Variants in MUC13 observed in about 807,000 individuals in gnomAD.
MUC13 encodes mucin-13.
Under a neutral mutation model 48.3 loss-of-function variants are expected in MUC13, and 32 were observed. The ratio of observed to expected loss-of-function variants is 0.66; its 90% confidence interval spans 0.50 to 0.89. The LOEUF (loss-of-function observed/expected upper bound fraction) is 0.89, where lower values mean the gene tolerates loss of function less well. Among genes scored for constraint, MUC13 ranks in the 40% least tolerant of loss-of-function variants. MUC13 has a pLI of 0.00. For synonymous variants in MUC13, 199 were observed against 224.9 expected (o/e 0.88, Z 1.03); for missense variants, 571 against 622.8 (o/e 0.92, Z 0.88).
chr3:124,919,927 C>T (rs755127830), intron 5 of MUC13, among the ~76,000 whole-genome samples: 1 of 152,184 alleles, frequency 6.6e-6, no homozygotes, highest in Non-Finnish European at 1.5e-5. Context: ...ATATGGTTTG[C>T]AGCCATGGGA....
intron 8 of MUC13, 135 bp downstream of exon 8, chr3:124,912,976 G>A (rs1579362807): frequency 4.2e-6 from 2 of 475,714 alleles, no homozygotes; most frequent in Non-Finnish European, 7.2e-6. Context: ...TGATGACAAT[G>A]ATGAGGATGC....
chr3:124,925,903 C>T (rs113249653), intron 2 of MUC13, among the ~76,000 whole-genome samples: 2 of 152,108 alleles, frequency 1.3e-5, no homozygotes, highest in South Asian at 4.1e-4. Flanking sequence ...GCGTGAGCCA[C>T]CATGCTCGGC....
intron 1 of MUC13, among the ~76,000 whole-genome samples, chr3:124,928,887 C>T (rs1470508961): frequency 1.3e-5 from 2 of 152,004 alleles, no homozygotes; most frequent in Non-Finnish European, 2.9e-5. Context: ...TTTTCATTAC[C>T]TTGATAGATT....
intron 9 of MUC13, among the ~76,000 whole-genome samples, chr3:124,911,620 T>C (rs115815338): frequency 0.011 from 1,474 of 139,966 alleles, 15 homozygotes; most frequent in Middle Eastern, 0.042. Context: ...CTGGTGGGGG[T>C]GGGGCATGGG....
At chr3:124,922,055 C>T (rs542930521) in intron 4 of MUC13, 142 bp downstream of exon 4, 14 of 956,894 alleles carry the variant, frequency 1.5e-5, no homozygotes, top group Admixed American at 9.4e-5. Flanking sequence ...TGCTGTTTAC[C>T]GACCAGTAAA....
chr3:124,929,626 C>G (rs1215822887), intron 1 of MUC13, among the ~76,000 whole-genome samples: 1 of 152,130 alleles, frequency 6.6e-6, no homozygotes, highest in South Asian at 2.1e-4. Context: ...CAGCAACTGG[C>G]AATGTTGACT....
chr3:124,934,560 C>T (rs1935851302), intron 1 of MUC13, 101 bp downstream of exon 1: 13 of 785,712 alleles, frequency 1.7e-5, no homozygotes, highest in Non-Finnish European at 2.0e-5. Flanking sequence ...TAAAATAGAC[C>T]ATGTGCTGGG....
chr3:124,911,545 TTAGTTCATTATGTAAATTTTAGAATATAA>T (rs1315277593), intron 9 of MUC13, among the ~76,000 whole-genome samples: 1 of 152,152 alleles, frequency 6.6e-6, no homozygotes, highest in African/African-American at 2.4e-5. Context: ...AGACTGATCT[TTAGTTCATTATGTAAATTTTAGAATATAA>T]AATAATTGAA....
rs200023886 is a variant in MUC13 at position 124,913,642 on chromosome 3, G to A, written c.1004C>T (p.Ala335Val). 7.4e-6 allele frequency: 12 copies of A among 1,614,024 alleles called. No homozygotes were observed. The highest frequency in any genetic ancestry group is 2.2e-5 in the East Asian group (1 of 44,902). The change falls in exon 7 of 12, where the codon GCG (alanine) becomes GTG (valine). Residue 335 changes from alanine (A) to valine (V), a missense_variant. Transcript: ENST00000616727. ...TGCTAAACCATTGAGGCAGTCATCC[G>A]CAGTCTGGTTACAGCCATAATAATC... ...RCDYYGCNQT[A>V]DDCLNGLACD...
At chr3:124,919,211 C>G (rs13090332) in intron 5 of MUC13, among the ~76,000 whole-genome samples, 16,576 of 151,698 alleles carry the variant, frequency 0.11, 1,139 homozygotes, top group South Asian at 0.18. Flanking sequence ...GTGGTGCACA[C>G]CCATAATCCC....
intron 1 of MUC13, among the ~76,000 whole-genome samples, chr3:124,931,976 C>A (rs184153282): frequency 6.6e-5 from 10 of 151,902 alleles, no homozygotes; most frequent in African/African-American, 2.2e-4. Context: ...ACCTGGCAGG[C>A]GGAGGTTGCA....
At chr3:124,929,504 G>A (rs1183744019) in intron 1 of MUC13, among the ~76,000 whole-genome samples, 1 of 152,206 alleles carries the variant, frequency 6.6e-6, no homozygotes, top group Non-Finnish European at 1.5e-5. Context: ...ATGGGTCTAT[G>A]AGCCCCTTGA....
rs1935302084 is a variant in MUC13 at position 124,905,573 on chromosome 3, T to G, written c.*1170A>C. 1 of 153,074 alleles carries G rather than the reference T, an allele frequency of 6.5e-6. No homozygotes were observed. The highest frequency in any genetic ancestry group is 2.4e-5 in the African/African-American group (1 of 41,416). The allele number at this position is 153,074 out of a possible 1,614,324, so 9.5% of individuals were successfully genotyped here. On this transcript the variant is annotated 3_prime_UTR_variant, in exon 12 of 12. Transcript: ENST00000616727. ...TAAAAAAGGACACTAATAACATTTGTAAAAGCTTGTACTGGATGTGGTTGC... is the reference window on the plus strand; with the variant it reads ...TAAAAAAGGACACTAATAACATTTGGAAAAGCTTGTACTGGATGTGGTTGC...
intron 8 of MUC13, among the ~76,000 whole-genome samples, chr3:124,912,880 G>T (rs1935446298): frequency 6.8e-6 from 1 of 147,378 alleles, no homozygotes; most frequent in Non-Finnish European, 1.5e-5. Context: ...AGGTTGCAGT[G>T]AGCCGAGATT....
chr3:124,909,379 T>G (rs1418167281), intron 10 of MUC13, among the ~76,000 whole-genome samples: 1 of 152,174 alleles, frequency 6.6e-6, no homozygotes, highest in Non-Finnish European at 1.5e-5. Flanking sequence ...GACTTTAGTC[T>G]ATCTAAATAT....
chr3:124,925,307 G>C (rs952857717), intron 2 of MUC13, among the ~76,000 whole-genome samples: 1 of 152,192 alleles, frequency 6.6e-6, no homozygotes, highest in Non-Finnish European at 1.5e-5. Context: ...TGGTTGCCAG[G>C]AGTTAGAGGG....
chr3:124,934,555 T>A, intron 1 of MUC13, 106 bp downstream of exon 1: 1 of 768,506 alleles, frequency 1.3e-6, no homozygotes. Context: ...ATTTATAAAA[T>A]AGACCATGTG....
chr3:124,932,481 G>A (rs1401930855), intron 1 of MUC13, among the ~76,000 whole-genome samples: 6 of 151,682 alleles, frequency 4.0e-5, no homozygotes, highest in Admixed American at 1.3e-4. Context: ...CAGGAGAATC[G>A]CTTGAACCTG....
At chr3:124,908,662 CTAAGTTTAAGGTCATGAGCTCTGTG>C (rs1935355026) in intron 10 of MUC13, among the ~76,000 whole-genome samples, 1 of 152,118 alleles carries the variant, frequency 6.6e-6, no homozygotes, top group Admixed American at 6.5e-5. Flanking sequence ...TGTAGGTTTC[CTAAGTTTAAGGTCATGAGCTCTGTG>C]TAGCGACAAA....
Sources: gnomAD v4.1 joint callset for allele counts (sites outside exome capture counted in the v4.1 genomes callset) on GRCh38, gnomAD v4.1.1 for gene constraint, MANE v1.5 for transcripts, NCBI Gene and HGNC (gene_info 2026-07-23, HGNC 2026-07-21) for gene names.